The following RAD51B variants were observed in gnomAD, a reference collection of about 807,000 sequenced individuals.
The protein encoded by RAD51B is DNA repair protein RAD51 homolog 2.
A neutral mutation model predicts 42.2 loss-of-function variants in RAD51B; 38 were observed. The observed-to-expected ratio is 0.90, with a 90% CI of 0.70 to 1.18. The LOEUF (loss-of-function observed/expected upper bound fraction) is 1.18. Ranked by LOEUF, RAD51B falls within the 50% of genes most tolerant of loss-of-function variation. The probability of loss-of-function intolerance (pLI) is 0.00; values close to 1 mark genes in which losing one functional copy is unlikely to be tolerated. For synonymous variants in RAD51B, 154 were observed against 145.2 expected, an observed-to-expected ratio of 1.06 and a Z score of -0.43; for missense variants, 373 against 400.7, an observed-to-expected ratio of 0.93 and a Z score of 0.59.
intron 7 of RAD51B, among the ~76,000 whole-genome samples, chr14:68,256,128 G>A (rs2080749553): frequency 6.6e-6 from 1 of 152,208 alleles, no homozygotes; most frequent in Non-Finnish European, 1.5e-5. Context: ...ATTTGGTCAG[G>A]TGACACAGTG....
intron 9 of RAD51B, among the ~76,000 whole-genome samples, chr14:68,443,690 G>T (rs908909937): frequency 1.3e-5 from 2 of 152,042 alleles, no homozygotes; most frequent in Admixed American, 6.5e-5. Flanking sequence ...TTATGGCAGG[G>T]TGGTCTGATG....
intron 10 of RAD51B, among the ~76,000 whole-genome samples, chr14:68,511,419 C>G (rs1408660978): frequency 6.6e-6 from 1 of 152,186 alleles, no homozygotes; most frequent in African/African-American, 2.4e-5. Flanking sequence ...GAAATCTGGT[C>G]AAGCTCCCAG....
chr14:68,677,774 A>C (rs548103959), intron 11 of RAD51B, among the ~76,000 whole-genome samples: 1 of 152,336 alleles, frequency 6.6e-6, no homozygotes, highest in East Asian at 1.9e-4. Context: ...TGATGGTGTC[A>C]GTCCCCATGC....
intron 11 of RAD51B, among the ~76,000 whole-genome samples, chr14:68,662,911 C>G (rs1892962108): frequency 6.6e-6 from 1 of 152,240 alleles, no homozygotes; most frequent in Admixed American, 6.5e-5. Flanking sequence ...CCCCACTGCT[C>G]TGTACCCCAG....
rs371949744 is a variant in RAD51B at position 68,364,127 on chromosome 14, G to T, written c.854-47297G>T. On this transcript the variant is annotated intron_variant, in intron 8 of 10. Transcript: ENST00000471583. ...GCTCATCCTAACCCTCTCTCCTTCC[G>T]CCTCCATCCTCCCTGCTCTCCGATT... Among the ~76,000 whole-genome samples the T allele has an allele frequency of 5.9e-5, 9 of 152,156 alleles. 1 individual carries two copies. Among genetic ancestry groups the T allele is most frequent in the African/African-American group, 2.2e-4 (9 of 41,496 alleles).
chr14:68,524,696 A>AC (rs1486161910), intron 10 of RAD51B, among the ~76,000 whole-genome samples: 1 of 152,124 alleles, frequency 6.6e-6, no homozygotes, highest in African/African-American at 2.4e-5. Flanking sequence ...CAATGATTTG[A>AC]CCCCACAGGA....
chr14:68,179,320 G>A (rs2079017149), intron 7 of RAD51B, among the ~76,000 whole-genome samples: 1 of 151,864 alleles, frequency 6.6e-6, no homozygotes, highest in African/African-American at 2.4e-5. Context: ...GAATCTGATT[G>A]GGATAAAACA....
intron 11 of RAD51B, among the ~76,000 whole-genome samples, chr14:68,669,952 G>A (rs892152649): frequency 2.0e-5 from 3 of 152,172 alleles, no homozygotes; most frequent in African/African-American, 7.2e-5. Flanking sequence ...GCCTGCTGGT[G>A]GGACCAGGCC....
chr14:68,252,493 A>C (rs1346509246), intron 7 of RAD51B, among the ~76,000 whole-genome samples: 1 of 152,236 alleles, frequency 6.6e-6, no homozygotes, highest in Non-Finnish European at 1.5e-5. Context: ...TCCATCACTC[A>C]TACACACATG....
intron 8 of RAD51B, among the ~76,000 whole-genome samples, chr14:68,357,451 T>G (rs2082932463): frequency 6.6e-6 from 1 of 152,126 alleles, no homozygotes. Flanking sequence ...GATGGTATTT[T>G]GACCTCCTCC....
At chr14:68,539,714 C>T (rs929164758) in intron 10 of RAD51B, among the ~76,000 whole-genome samples, 3 of 152,250 alleles carry the variant, frequency 2.0e-5, no homozygotes, top group African/African-American at 7.2e-5. Flanking sequence ...CCATGGAGGG[C>T]AGCCACACAG....
In RAD51B at chr14:68,045,961, G is replaced by A. The variant is rs532791700; in HGVS notation, c.756+158757G>A. Among the ~76,000 whole-genome samples, 14 of 151,782 alleles carry A rather than the reference G, an allele frequency of 9.2e-5. No homozygotes were observed. The East Asian group carries it at 1.9e-3, about 21-fold the overall frequency. The stretch of plus-strand genomic sequence containing the variant: ...GCATTCCTCAGTCTTTCTCTCCTTC[G>A]ACATGGCAGCAACAGCAACAGCAGC... On this transcript the variant is annotated intron_variant, in intron 7 of 10. Coordinates refer to ENST00000471583, the MANE Select transcript of RAD51B (RefSeq NM_133510.4).
intron 10 of RAD51B, chr14:68,563,285 G>C: frequency 1.0e-6 from 1 of 985,394 alleles, no homozygotes; most frequent in South Asian, 4.7e-5. Flanking sequence ...GGGCCAAGCC[G>C]AGCCTGCAAT....
intron 7 of RAD51B, among the ~76,000 whole-genome samples, chr14:68,179,475 G>T (rs1026767281): frequency 6.6e-6 from 1 of 152,130 alleles, no homozygotes; most frequent in Admixed American, 6.5e-5. Context: ...CGGAGCTACA[G>T]ATAGAAAATC....
intron 7 of RAD51B, among the ~76,000 whole-genome samples, chr14:68,062,814 CAAAAA>C (rs962527138): frequency 2.5e-5 from 1 of 39,794 alleles, no homozygotes; most frequent in Non-Finnish European, 5.4e-5. Flanking sequence ...GACTCTGTGA[CAAAAA>C]AAAAAAAAAA....
rs569667858 is a variant in RAD51B, at chr14:68,583,772, G to A, written c.1037-10713G>A. On this transcript the variant is annotated intron_variant, in intron 10 of 10. Transcript: ENST00000487270. ...CAGTAATGTGATCCACCCACAACTT[G>A]GCCTTGGGCTTAGGCTCAGGGAATT... Among the ~76,000 whole-genome samples the A allele has an allele frequency of 5.3e-5, 8 of 152,326 alleles. No individual in the cohort carries two copies. The South Asian group carries it at 1.7e-3, about 32-fold the overall frequency.
chr14:68,117,092 C>T (rs1414972068), intron 7 of RAD51B, among the ~76,000 whole-genome samples: 2 of 152,178 alleles, frequency 1.3e-5, no homozygotes, highest in African/African-American at 4.8e-5. Context: ...AACATTTATT[C>T]TGTGACTTGC....
chr14:68,569,133 G>T (rs896258997), intron 10 of RAD51B, among the ~76,000 whole-genome samples: 1 of 152,286 alleles, frequency 6.6e-6, no homozygotes, highest in Middle Eastern at 3.4e-3. Flanking sequence ...GCAGGATTTT[G>T]TTTAAGGCTT....
chr14:68,547,615 C>T (rs1238289557), intron 10 of RAD51B, among the ~76,000 whole-genome samples: 1 of 152,178 alleles, frequency 6.6e-6, no homozygotes, highest in African/African-American at 2.4e-5. Flanking sequence ...AGCCCGGGTT[C>T]CTTGGCCCTG....
Sources: allele counts gnomAD v4.1 joint callset (sites outside exome capture counted in the v4.1 genomes callset), GRCh38; gene constraint gnomAD v4.1.1; transcripts MANE v1.5; gene names NCBI Gene and HGNC (gene_info 2026-07-23, HGNC 2026-07-21).